The following LRRC4C variants were observed in gnomAD, a reference collection of about 807,000 sequenced individuals.
LRRC4C encodes the protein leucine-rich repeat-containing protein 4C.
In LRRC4C, 5 loss-of-function variants were observed where a neutral mutation model predicts 33.6. That is an observed-to-expected ratio of 0.15 (90% confidence interval 0.08 to 0.31). The LOEUF is 0.31. Ranked by LOEUF, LRRC4C falls within the 10% of genes least tolerant of loss-of-function variation. LRRC4C has a pLI of 1.00. For missense variants in LRRC4C, 560 were observed against 796.7 expected, an observed-to-expected ratio of 0.70 and a Z score of 3.58; for synonymous variants, 329 against 302.0, an observed-to-expected ratio of 1.09 and a Z score of -0.93.
chr11:40,795,345 G>A (rs924567334), intron 2 of LRRC4C, among the ~76,000 whole-genome samples: 1 of 151,966 alleles, frequency 6.6e-6, no homozygotes, highest in African/African-American at 2.4e-5. Flanking sequence ...TGGCTAACAC[G>A]GTGAAACCCT....
chr11:40,526,363 A>G (rs945758654), intron 3 of LRRC4C, among the ~76,000 whole-genome samples: 1 of 152,274 alleles, frequency 6.6e-6, no homozygotes, highest in Non-Finnish European at 1.5e-5. Context: ...CATACATTAA[A>G]AAACCCTGAA....
At chr11:40,209,180 A>G (rs1863393759) in intron 5 of LRRC4C, among the ~76,000 whole-genome samples, 1 of 152,198 alleles carries the variant, frequency 6.6e-6, no homozygotes, top group Non-Finnish European at 1.5e-5. Context: ...ATTTATAAAC[A>G]TAAGGCTGTT....
intron 1 of LRRC4C, among the ~76,000 whole-genome samples, chr11:41,077,081 C>A (rs535034895): frequency 5.3e-5 from 8 of 152,188 alleles, no homozygotes; most frequent in Non-Finnish European, 1.2e-4. Context: ...GCTCACATGC[C>A]CTTGTGCAGC....
intron 2 of LRRC4C, among the ~76,000 whole-genome samples, chr11:40,712,892 C>G (rs1380246880): frequency 6.8e-6 from 1 of 146,716 alleles, no homozygotes; most frequent in African/African-American, 2.5e-5. Context: ...TTCTTTCTTT[C>G]TTTTTTTTTT....
intron 3 of LRRC4C, among the ~76,000 whole-genome samples, chr11:40,433,343 A>ATCATACTTCAGAAATTGAGAC (rs539238511): frequency 0.036 from 5,485 of 152,148 alleles, 336 homozygotes; most frequent in African/African-American, 0.12. Context: ...TTGCTTGGAT[A>ATCATACTTCAGAAATTGAGAC]TCATACTTCA....
chr11:41,102,029 G>C (rs1216744922), intron 1 of LRRC4C, among the ~76,000 whole-genome samples: 1 of 151,900 alleles, frequency 6.6e-6, no homozygotes, highest in Non-Finnish European at 1.5e-5. Context: ...AATAACTATT[G>C]AATACTAGGC....
intron 1 of LRRC4C, among the ~76,000 whole-genome samples, chr11:41,285,823 A>AT (rs1555137121): frequency 6.6e-6 from 1 of 151,620 alleles, no homozygotes; most frequent in African/African-American, 2.4e-5. Flanking sequence ...ATTTTATTTT[A>AT]TTTATTTTAT....
At chr11:40,659,110 C>A (rs1158132651) in intron 2 of LRRC4C, among the ~76,000 whole-genome samples, 2 of 152,212 alleles carry the variant, frequency 1.3e-5, no homozygotes, top group Non-Finnish European at 2.9e-5. Context: ...CTTGGAAGAT[C>A]CTGCTCCTGT....
chr11:40,699,647 C>G (rs946194691), intron 2 of LRRC4C, among the ~76,000 whole-genome samples: 9 of 152,106 alleles, frequency 5.9e-5, no homozygotes, highest in African/African-American at 2.2e-4. Context: ...AAAAAAGTAA[C>G]AGCAACTATG....
intron 3 of LRRC4C, among the ~76,000 whole-genome samples, chr11:40,534,748 C>G (rs971064852): frequency 6.6e-6 from 1 of 152,146 alleles, no homozygotes; most frequent in African/African-American, 2.4e-5. Context: ...TGTTTGCAAC[C>G]TGCTGAATCA....
At chr11:40,146,552 T>C (rs755230434) in intron 5 of LRRC4C, among the ~76,000 whole-genome samples, 5 of 152,020 alleles carry the variant, frequency 3.3e-5, no homozygotes, top group Non-Finnish European at 1.5e-5. Context: ...ACTTAGAAAA[T>C]AGTCACAAAG....
intron 1 of LRRC4C, among the ~76,000 whole-genome samples, chr11:41,013,880 C>T (rs932446619): frequency 1.3e-5 from 2 of 152,178 alleles, no homozygotes; most frequent in East Asian, 1.9e-4. Context: ...CAGGCCAGAA[C>T]AAGAGGGAGA....
intron 4 of LRRC4C, among the ~76,000 whole-genome samples, chr11:40,309,606 A>G (rs549482253): frequency 1.1e-4 from 17 of 151,934 alleles, no homozygotes; most frequent in Admixed American, 7.9e-4. Flanking sequence ...CTACGACTCA[A>G]GTGATTATCC....
At chr11:41,319,555 T>G (rs933378919) in intron 1 of LRRC4C, among the ~76,000 whole-genome samples, 4 of 152,190 alleles carry the variant, frequency 2.6e-5, no homozygotes, top group Non-Finnish European at 5.9e-5. Flanking sequence ...TTTTTATTTG[T>G]TTGTTGAGAC....
At chr11:41,142,880 C>G (rs1943570760) in intron 1 of LRRC4C, among the ~76,000 whole-genome samples, 1 of 152,214 alleles carries the variant, frequency 6.6e-6, no homozygotes, top group African/African-American at 2.4e-5. Context: ...ACAAGTATTT[C>G]CCCATTTATA....
intron 1 of LRRC4C, among the ~76,000 whole-genome samples, chr11:41,060,467 T>A (rs530602748): frequency 7.9e-4 from 120 of 152,328 alleles, no homozygotes; most frequent in Non-Finnish European, 1.3e-3. Flanking sequence ...GCGAGTACCC[T>A]CTTCCTGGCT....
At chr11:41,185,739 C>T (rs1324330443) in intron 1 of LRRC4C, among the ~76,000 whole-genome samples, 1 of 152,040 alleles carries the variant, frequency 6.6e-6, no homozygotes, top group Non-Finnish European at 1.5e-5. Flanking sequence ...AATGAATATA[C>T]TGCACTAAAG....
At chr11:40,390,314 A>C (rs185989284) in intron 3 of LRRC4C, among the ~76,000 whole-genome samples, 132 of 152,340 alleles carry the variant, frequency 8.7e-4, no homozygotes, top group African/African-American at 3.1e-3. Flanking sequence ...CTTAATCTCG[A>C]GTGTTAAACT....
At chr11:40,908,047 T>C (rs532736744) in intron 2 of LRRC4C, among the ~76,000 whole-genome samples, 164 of 152,292 alleles carry the variant, frequency 1.1e-3, no homozygotes, top group Middle Eastern at 0.01. Context: ...TTAAGGGCAC[T>C]GCATCAGAAA....
Sources: allele counts gnomAD v4.1 joint callset (sites outside exome capture counted in the v4.1 genomes callset), GRCh38; gene constraint gnomAD v4.1.1; transcripts MANE v1.5; gene names NCBI Gene and HGNC (gene_info 2026-07-23, HGNC 2026-07-21).